Variants in PAIP2 observed in about 807,000 individuals in gnomAD.
PAIP2 encodes poly(A) binding protein interacting protein 2, also known as polyadenylate-binding protein-interacting protein 2.
PAIP2 carries 7 observed loss-of-function variants against 14.8 expected under a neutral mutation model. The observed-to-expected ratio is 0.47, with a 90% CI of 0.27 to 0.89. The LOEUF is 0.89. PAIP2 is among the 40% of genes least tolerant of loss of function. PAIP2 has a pLI of 0.13. For missense variants in PAIP2, 122 were observed against 154.7 expected (o/e 0.79, Z 1.12); for synonymous variants, 47 against 45.3 (o/e 1.04, Z -0.15).
At chr5:139,349,771 A>G (rs1756670276) in intron 1 of PAIP2, among the ~76,000 whole-genome samples, 2 of 152,030 alleles carry the variant, frequency 1.3e-5, no homozygotes, top group Non-Finnish European at 2.9e-5. Context: ...TGGGAGGCTG[A>G]GATAGGTGGA....
intron 1 of PAIP2, 97 bp from the exon 2 acceptor site, chr5:139,363,662 C>A: frequency 9.6e-7 from 1 of 1,045,402 alleles, no homozygotes; most frequent in South Asian, 1.6e-5. Context: ...ATGATCACAC[C>A]ATTGCACTCC....
At chr5:139,362,946 AAAC>A (rs913752017) in intron 1 of PAIP2, among the ~76,000 whole-genome samples, 1 of 152,152 alleles carries the variant, frequency 6.6e-6, no homozygotes, top group Non-Finnish European at 1.5e-5. Context: ...TGTTATCGGA[AAAC>A]ATTAGATGTG....
intron 3 of PAIP2, chr5:139,367,292 G>A (rs1366585337): frequency 1.3e-5 from 2 of 152,086 alleles, no homozygotes; most frequent in African/African-American, 4.8e-5. Flanking sequence ...CTACATTTCA[G>A]GCCCTGGAAC....
At position 139,359,298 on chromosome 5, in the gene PAIP2, G is replaced by A. The variant is rs540413724; in HGVS notation, c.-26-4461G>A. Among the ~76,000 whole-genome samples, 6 of 152,106 alleles carry A rather than the reference G, an allele frequency of 3.9e-5. 1 individual carries two copies. The South Asian group carries it at 8.3e-4, about 21-fold the overall frequency. ...ATTACAGGTGTGCGCCATCACACCC[G>A]GCTAATTTTTTTTCATTTTCAGTAG... On this transcript the variant is annotated intron_variant, in intron 1 of 3. Coordinates refer to ENST00000265192, the MANE Select transcript of PAIP2 (RefSeq NM_016480.5).
intron 3 of PAIP2, among the ~76,000 whole-genome samples, chr5:139,368,320 A>G (rs2152058939): frequency 6.6e-6 from 1 of 152,254 alleles, no homozygotes; most frequent in Middle Eastern, 3.4e-3. Flanking sequence ...AGCCTGGGTG[A>G]CAGAGTGAGA....
chr5:139,344,179 C>G (rs1756467872), intron 1 of PAIP2, among the ~76,000 whole-genome samples: 1 of 152,166 alleles, frequency 6.6e-6, no homozygotes, highest in South Asian at 2.1e-4. Context: ...CGTGAAGTAA[C>G]TTTCCCAATG....
At chr5:139,347,506 T>C (rs941983265) in intron 1 of PAIP2, among the ~76,000 whole-genome samples, 1 of 151,990 alleles carries the variant, frequency 6.6e-6, no homozygotes, top group African/African-American at 2.4e-5. Context: ...ACTCCTGACC[T>C]CAAATGATCC....
At chr5:139,359,675 A>T (rs1757012517) in intron 1 of PAIP2, among the ~76,000 whole-genome samples, 1 of 151,792 alleles carries the variant, frequency 6.6e-6, no homozygotes. Flanking sequence ...CCATATAAGA[A>T]TGAGTAATTT....
At chr5:139,350,853 A>T (rs1221575011) in intron 1 of PAIP2, among the ~76,000 whole-genome samples, 1 of 152,144 alleles carries the variant, frequency 6.6e-6, no homozygotes, top group Non-Finnish European at 1.5e-5. Flanking sequence ...CTCAGAATAG[A>T]TTCAGACAAA....
At chr5:139,365,663 CAAA>C (rs58393182) in intron 3 of PAIP2, among the ~76,000 whole-genome samples, 1 of 127,426 alleles carries the variant, frequency 7.8e-6, no homozygotes. Context: ...AAGACTGTCT[CAAA>C]AAAAAAAAAA....
rs1370810454 is a variant in PAIP2 at position 139,368,725 on chromosome 5, T to C, written c.319-8T>C. On this transcript the variant is annotated splice_region_variant and splice_polypyrimidine_tract_variant and intron_variant, in intron 3 of 3. Coordinates refer to ENST00000265192, the MANE Select transcript of PAIP2 (RefSeq NM_016480.5). ...ATGAACTTGCTTTTTTATGTACTTATTTTCCAGGTCAAGAGCAATCTGAAT... is the reference window on the plus strand; with the variant it reads ...ATGAACTTGCTTTTTTATGTACTTACTTTCCAGGTCAAGAGCAATCTGAAT... 1 of 1,609,268 alleles carries C rather than the reference T, an allele frequency of 6.2e-7. No individual in the cohort carries two copies. The highest frequency in any genetic ancestry group is 1.1e-5 in the South Asian group (1 of 90,850).
intron 1 of PAIP2, among the ~76,000 whole-genome samples, chr5:139,360,475 CCTTT>C (rs1287418555): frequency 6.6e-6 from 1 of 152,038 alleles, no homozygotes; most frequent in African/African-American, 2.4e-5. Flanking sequence ...TCTGTTTCTG[CCTTT>C]CTTCTTTTGT....
At chr5:139,357,853 T>C (rs1436347649) in intron 1 of PAIP2, among the ~76,000 whole-genome samples, 1 of 152,158 alleles carries the variant, frequency 6.6e-6, no homozygotes, top group African/African-American at 2.4e-5. Context: ...ATAATATTGA[T>C]ATTGCTACCT....
intron 1 of PAIP2, among the ~76,000 whole-genome samples, chr5:139,362,608 C>T (rs1581318981): frequency 1.3e-5 from 2 of 152,016 alleles, no homozygotes; most frequent in Admixed American, 1.3e-4. Context: ...CGGGGTTTCA[C>T]CATGTTGATC....
intron 1 of PAIP2, among the ~76,000 whole-genome samples, chr5:139,358,061 T>G (rs1581311975): frequency 6.6e-6 from 1 of 152,206 alleles, no homozygotes; most frequent in African/African-American, 2.4e-5. Flanking sequence ...GAGATAGGGG[T>G]CTCACTATGT....
chr5:139,354,708 C>T (rs1329358659), intron 1 of PAIP2, among the ~76,000 whole-genome samples: 2 of 152,134 alleles, frequency 1.3e-5, no homozygotes, highest in East Asian at 3.9e-4. Flanking sequence ...CCTCATTCTG[C>T]TTCTCAGACT....
At chr5:139,351,475 T>C (rs1756732613) in intron 1 of PAIP2, among the ~76,000 whole-genome samples, 1 of 152,212 alleles carries the variant, frequency 6.6e-6, no homozygotes, top group African/African-American at 2.4e-5. Flanking sequence ...ATGTAATGTA[T>C]TTAATATAAT....
chr5:139,368,063 C>T (rs975074413), intron 3 of PAIP2, among the ~76,000 whole-genome samples: 2 of 152,126 alleles, frequency 1.3e-5, no homozygotes, highest in Admixed American at 6.6e-5. Flanking sequence ...AGGCCGGGCG[C>T]GGTGGCTTAC....
At chr5:139,344,461 T>C (rs1299993718) in intron 1 of PAIP2, among the ~76,000 whole-genome samples, 3 of 152,208 alleles carry the variant, frequency 2.0e-5, no homozygotes, top group South Asian at 4.1e-4. Context: ...AAAAACTCCC[T>C]TTTTTCTTAA....
Sources: gnomAD v4.1 joint callset for allele counts (sites outside exome capture counted in the v4.1 genomes callset) on GRCh38, gnomAD v4.1.1 for gene constraint, MANE v1.5 for transcripts, NCBI Gene and HGNC (gene_info 2026-07-23, HGNC 2026-07-21) for gene names.